The following ROBO1 variants were observed in gnomAD, a reference collection of about 807,000 sequenced individuals.
The protein encoded by ROBO1 is roundabout homolog 1.
A neutral mutation model predicts 195.9 loss-of-function variants in ROBO1; 149 were observed. The ratio of observed to expected loss-of-function variants is 0.76; its 90% CI spans 0.67 to 0.87. The LOEUF (loss-of-function observed/expected upper bound fraction) is 0.87, where lower values mean the gene tolerates loss of function less well. ROBO1 is among the 40% of genes least tolerant of loss of function. The pLI, the probability that ROBO1 is intolerant of heterozygous loss-of-function variation, is 0.00. For synonymous variants in ROBO1, 816 were observed against 733.2 expected, an observed-to-expected ratio of 1.11 and a Z score of -1.82; for missense variants, 1,933 against 2,068.3, an observed-to-expected ratio of 0.93 and a Z score of 1.27.
chr3:79,241,452 T>A (rs960117968), intron 2 of ROBO1, among the ~76,000 whole-genome samples: 2 of 152,134 alleles, frequency 1.3e-5, no homozygotes, highest in Admixed American at 1.3e-4. Context: ...CTTTTCCTTT[T>A]TTGACTTATT....
At chr3:79,708,650 C>T (rs1702156538) in intron 1 of ROBO1, among the ~76,000 whole-genome samples, 1 of 152,064 alleles carries the variant, frequency 6.6e-6, no homozygotes, top group South Asian at 2.1e-4. Flanking sequence ...CTTGCTTAAG[C>T]CCAGGAGTTT....
At chr3:79,359,977 AAAG>A (rs1157230832) in intron 2 of ROBO1, among the ~76,000 whole-genome samples, 2 of 152,040 alleles carry the variant, frequency 1.3e-5, no homozygotes, top group Non-Finnish European at 1.5e-5. Flanking sequence ...TCACCAGATA[AAAG>A]AAGAAAGATA....
intron 2 of ROBO1, among the ~76,000 whole-genome samples, chr3:79,406,132 G>A (rs897278729): frequency 2.0e-5 from 3 of 151,826 alleles, no homozygotes; most frequent in Non-Finnish European, 2.9e-5. Flanking sequence ...TGGCCAGTGA[G>A]AGCAGAAAAG....
At chr3:79,324,454 A>G (rs866203303) in intron 2 of ROBO1, among the ~76,000 whole-genome samples, 3 of 152,304 alleles carry the variant, frequency 2.0e-5, no homozygotes, top group Admixed American at 6.5e-5. Flanking sequence ...TCTCTAAATT[A>G]TATGTGACAA....
chr3:78,599,011 T>A lies in ROBO1; in HGVS notation c.4942-84A>T, dbSNP rs1703007363. The stretch of plus-strand genomic sequence containing the variant: ...TTTATTTATATGCATTTATTATTAT[T>A]ATAATTTAATGTGTCTTTTCATTTA... On this transcript the variant is annotated intron_variant, in intron 30 of 30. Transcript: ENST00000464233. The A allele has an allele frequency of 4.0e-6, 3 of 746,656 alleles. No individual in the cohort carries two copies. The Admixed American group carries it at 8.1e-5, about 20-fold the overall frequency. The allele number at this position is 746,656 out of a possible 1,614,324, so 46.3% of individuals were successfully genotyped here.
At chr3:79,160,170 C>T (rs2080930413) in intron 2 of ROBO1, among the ~76,000 whole-genome samples, 1 of 151,512 alleles carries the variant, frequency 6.6e-6, no homozygotes, top group South Asian at 2.1e-4. Context: ...TAAATTATAC[C>T]ATAATAATTG....
At chr3:79,380,181 G>C (rs2036521301) in intron 2 of ROBO1, among the ~76,000 whole-genome samples, 1 of 151,922 alleles carries the variant, frequency 6.6e-6, no homozygotes, top group Non-Finnish European at 1.5e-5. Context: ...TCTCTTCCAG[G>C]TTTGTCACTG....
At chr3:79,070,461 G>T (rs1358395898) in intron 3 of ROBO1, among the ~76,000 whole-genome samples, 1 of 151,840 alleles carries the variant, frequency 6.6e-6, no homozygotes, top group Non-Finnish European at 1.5e-5. Context: ...TCCTGGGAAT[G>T]AAAATTTTAG....
At chr3:79,392,275 C>T (rs1477607477) in intron 2 of ROBO1, among the ~76,000 whole-genome samples, 1 of 152,190 alleles carries the variant, frequency 6.6e-6, no homozygotes, top group Non-Finnish European at 1.5e-5. Flanking sequence ...CAGACCTCCT[C>T]AGTCGAGAAA....
At chr3:79,503,818 T>C (rs1271392923) in intron 2 of ROBO1, among the ~76,000 whole-genome samples, 1 of 152,206 alleles carries the variant, frequency 6.6e-6, no homozygotes, top group Non-Finnish European at 1.5e-5. Flanking sequence ...ATAAAAACTT[T>C]TCAGAAATTG....
intron 5 of ROBO1, among the ~76,000 whole-genome samples, chr3:78,738,776 CA>C (rs2082453789): frequency 6.6e-6 from 1 of 152,060 alleles, no homozygotes; most frequent in South Asian, 2.1e-4. Context: ...TATGCTAAAG[CA>C]TACTGATGCT....
intron 10 of ROBO1, among the ~76,000 whole-genome samples, chr3:78,674,087 C>T (rs992200929): frequency 1.3e-5 from 2 of 151,890 alleles, no homozygotes; most frequent in African/African-American, 2.4e-5. Context: ...GAGATGAATA[C>T]GAATGATTTT....
chr3:79,744,033 A>G (rs1159884966), intron 1 of ROBO1, among the ~76,000 whole-genome samples: 1 of 152,198 alleles, frequency 6.6e-6, no homozygotes, highest in Non-Finnish European at 1.5e-5. Flanking sequence ...AAAACCAGTA[A>G]CATAGTCATT....
chr3:78,657,336 G>C, intron 17 of ROBO1, 67 bp from the exon 18 acceptor site: 8 of 1,538,560 alleles, frequency 5.2e-6, no homozygotes, highest in Non-Finnish European at 7.1e-6. Flanking sequence ...ATCAACACAG[G>C]GTTGCAGTTT....
chr3:79,646,093 G>A (rs1945814179), intron 1 of ROBO1, among the ~76,000 whole-genome samples: 1 of 152,050 alleles, frequency 6.6e-6, no homozygotes, highest in South Asian at 2.1e-4. Flanking sequence ...ATTATGTCAA[G>A]CTAAAAAGCT....
Position 78,848,534 on chromosome 3 carries a change from C to A in ROBO1, c.499+90067G>T, listed in dbSNP as rs144253533. Among the ~76,000 whole-genome samples the A allele has an allele frequency of 2.0e-5, 3 of 152,214 alleles. No homozygotes were observed. The East Asian group carries it at 5.8e-4, about 29-fold the overall frequency. On this transcript the variant is annotated intron_variant, in intron 4 of 30. Transcript: ENST00000464233. ...ATAGGAGGTCAGGGAATTGTCTTAG[C>A]AACTCTTGTACAGCACAGACCTTAG...
At chr3:78,734,183 T>C (rs2082341994) in intron 5 of ROBO1, among the ~76,000 whole-genome samples, 1 of 151,936 alleles carries the variant, frequency 6.6e-6, no homozygotes, top group South Asian at 2.1e-4. Flanking sequence ...TTTTCAAGAG[T>C]TGGCGGAATT....
chr3:79,397,295 A>T (rs1418498782), intron 2 of ROBO1, among the ~76,000 whole-genome samples: 1 of 151,708 alleles, frequency 6.6e-6, no homozygotes, highest in Admixed American at 6.6e-5. Context: ...TAAGTAGACT[A>T]CATCTAAGAC....
intron 2 of ROBO1, among the ~76,000 whole-genome samples, chr3:79,242,384 T>C (rs1205337276): frequency 1.3e-5 from 2 of 152,210 alleles, no homozygotes; most frequent in East Asian, 3.8e-4. Flanking sequence ...CTGGGCCTCC[T>C]ATATATAATA....
Sources: gnomAD v4.1 joint callset for allele counts (sites outside exome capture counted in the v4.1 genomes callset) on GRCh38, gnomAD v4.1.1 for gene constraint, MANE v1.5 for transcripts, NCBI Gene and HGNC (gene_info 2026-07-23, HGNC 2026-07-21) for gene names.